Variants in HIVEP2 observed in about 807,000 individuals in gnomAD.
HIVEP2 encodes the protein transcription factor HIVEP2.
In HIVEP2, 14 loss-of-function variants were observed where a neutral mutation model predicts 180.7. The observed-to-expected ratio is 0.08, with a 90% confidence interval of 0.05 to 0.12. The LOEUF is 0.12. HIVEP2 is among the 10% of genes least tolerant of loss of function. HIVEP2 has a pLI of 1.00. For synonymous variants in HIVEP2, 1,184 were observed against 1,136.4 expected, an observed-to-expected ratio of 1.04 and a Z score of -0.84; for missense variants, 2,579 against 3,008.5, an observed-to-expected ratio of 0.86 and a Z score of 3.34.
At chr6:142,876,868 AC>A in intron 1 of HIVEP2, among the ~76,000 whole-genome samples, 1 of 151,912 alleles carries the variant, frequency 6.6e-6, no homozygotes, top group Non-Finnish European at 1.5e-5. Flanking sequence ...ACACACACAC[AC>A]ACACACACAC....
rs759685207 is a variant in HIVEP2 at position 142,773,950 on chromosome 6, A to G, written c.789T>C (p.Gly263=). ...GTATTTCTGCTTCTACATCAATAAA[A>G]CCAGCCTCTAGGTCCAATTTAGATA... is the stretch of plus-strand genomic sequence containing the variant. ...SAVSKLDLEA[G]FIDVEAEIHS... Residue 263 remains glycine, a synonymous_variant, in exon 5 of 10, where the codon GGT becomes GGC. Transcript: ENST00000367603. 6.2e-6 allele frequency: 10 copies of G among 1,613,674 alleles called. No individual in the cohort carries two copies. In the African/African-American group the frequency reaches 1.3e-4, roughly 22 times the overall value.
chr6:142,911,884 C>G (rs960983896), intron 1 of HIVEP2, among the ~76,000 whole-genome samples: 7 of 152,124 alleles, frequency 4.6e-5, no homozygotes, highest in African/African-American at 7.2e-5. Context: ...GACCGCTCAT[C>G]ATTTCATAAT....
intron 1 of HIVEP2, among the ~76,000 whole-genome samples, chr6:142,853,216 A>G (rs1775735028): frequency 6.6e-6 from 1 of 151,876 alleles, no homozygotes; most frequent in Non-Finnish European, 1.5e-5. Flanking sequence ...TTTTTTTTCC[A>G]CATCAGAGAA....
intron 2 of HIVEP2, among the ~76,000 whole-genome samples, chr6:142,805,785 T>A (rs1478699699): frequency 6.6e-6 from 1 of 152,150 alleles, no homozygotes; most frequent in Non-Finnish European, 1.5e-5. Context: ...TTTGGAGGGC[T>A]CTGGTAGAGG....
At chr6:142,944,517 G>A (rs913827424) in intron 1 of HIVEP2, among the ~76,000 whole-genome samples, 2 of 152,122 alleles carry the variant, frequency 1.3e-5, no homozygotes, top group African/African-American at 4.8e-5. Context: ...GAAAGGCGGG[G>A]GGTGGGGGTG....
intron 9 of HIVEP2, among the ~76,000 whole-genome samples, chr6:142,755,642 C>T (rs572800663): frequency 1.4e-4 from 22 of 152,304 alleles, no homozygotes; most frequent in Admixed American, 3.3e-4. Context: ...TGTCCTATTA[C>T]GTAAACTGAC....
At position 142,753,725 on chromosome 6, in the gene HIVEP2, C is replaced by A; in HGVS notation, c.6723G>T (p.Pro2241=). 2 of 1,614,070 alleles carry A rather than the reference C, an allele frequency of 1.2e-6. No individual in the cohort carries two copies. Among genetic ancestry groups the A allele is most frequent in the South Asian group, 2.2e-5 (2 of 91,074 alleles). The change falls in exon 10 of 10, where the codon CCG becomes CCT. Residue 2241 remains proline, a synonymous_variant. Coordinates refer to ENST00000367603, the MANE Select transcript of HIVEP2 (RefSeq NM_006734.4). ...AAGGATGTAAACTGGAAAGGGCTGGCGGCATGGAGTGAACCATCTGGATCC... is the reference window on the plus strand; with the variant it reads ...AAGGATGTAAACTGGAAAGGGCTGGAGGCATGGAGTGAACCATCTGGATCC... ...VGGIQMVHSM[P]PALSSLHPSP... is the part of the protein sequence containing the mutation.
rs1207067367 is a variant in HIVEP2 at position 142,792,643 on chromosome 6, G to A, written c.-527-9028C>T. ...TAAAACCTAGATGGCAGGTTGATAG[G>A]CGCAGCAAACAACCATGGCACATGC... On this transcript the variant is annotated intron_variant, in intron 2 of 9. Transcript: ENST00000367603. Among the ~76,000 whole-genome samples the A allele has an allele frequency of 1.3e-5, 2 of 152,022 alleles. 1 individual carries two copies. Among genetic ancestry groups the A allele is most frequent in the Non-Finnish European group, 2.9e-5 (2 of 68,010 alleles).
intron 1 of HIVEP2, among the ~76,000 whole-genome samples, chr6:142,880,860 T>C (rs1776560637): frequency 6.6e-6 from 1 of 152,140 alleles, no homozygotes; most frequent in South Asian, 2.1e-4. Flanking sequence ...TTATATAAAA[T>C]AAAATGTGTC....
chr6:142,846,794 C>A (rs1031410497), intron 1 of HIVEP2, among the ~76,000 whole-genome samples: 1 of 151,982 alleles, frequency 6.6e-6, no homozygotes, highest in Non-Finnish European at 1.5e-5. Flanking sequence ...AACAACACAT[C>A]AAAAACAAAC....
chr6:142,811,509 C>A (rs1009822282), intron 2 of HIVEP2, among the ~76,000 whole-genome samples: 3 of 151,846 alleles, frequency 2.0e-5, no homozygotes, highest in Admixed American at 1.3e-4. Context: ...TTCCCCTCCC[C>A]CTACACACAA....
intron 1 of HIVEP2, among the ~76,000 whole-genome samples, chr6:142,879,400 T>C (rs1027887118): frequency 6.6e-6 from 1 of 152,146 alleles, no homozygotes; most frequent in African/African-American, 2.4e-5. Context: ...ATGTTGAATG[T>C]TGAGCACAGC....
chr6:142,880,147 C>T (rs755648613), intron 1 of HIVEP2, among the ~76,000 whole-genome samples: 20 of 152,136 alleles, frequency 1.3e-4, no homozygotes, highest in Non-Finnish European at 2.6e-4. Context: ...GTCCCCAAAG[C>T]AGGAATATTT....
intron 1 of HIVEP2, among the ~76,000 whole-genome samples, chr6:142,864,855 T>C (rs540376250): frequency 6.6e-6 from 1 of 152,288 alleles, no homozygotes; most frequent in East Asian, 1.9e-4. Flanking sequence ...AGAATTCATA[T>C]AGCCAACCAA....
At chr6:142,899,587 ATTTAT>A (rs1247017907) in intron 1 of HIVEP2, among the ~76,000 whole-genome samples, 1 of 152,242 alleles carries the variant, frequency 6.6e-6, no homozygotes, top group Non-Finnish European at 1.5e-5. Context: ...GTTGCAAATA[ATTTAT>A]TTTAAAAGCA....
intron 1 of HIVEP2, among the ~76,000 whole-genome samples, chr6:142,867,136 AC>A (rs1228427462): frequency 1.5e-4 from 23 of 152,166 alleles, no homozygotes; most frequent in African/African-American, 5.5e-4. Flanking sequence ...TAATCCAAAT[AC>A]ACTTATTAGG....
chr6:142,785,865 T>C (rs1428958199), intron 2 of HIVEP2, among the ~76,000 whole-genome samples: 1 of 152,196 alleles, frequency 6.6e-6, no homozygotes. Context: ...AGAAAAGCAA[T>C]GGTAATCATG....
chr6:142,769,511 A>G (rs777933943), intron 5 of HIVEP2, 41 bp downstream of exon 5: 27 of 1,551,780 alleles, frequency 1.7e-5, no homozygotes, highest in Admixed American at 5.1e-5. Context: ...TCAGCAATCA[A>G]ATCCACAATA....
At chr6:142,867,465 C>T (rs561519912) in intron 1 of HIVEP2, among the ~76,000 whole-genome samples, 199 of 152,272 alleles carry the variant, frequency 1.3e-3, no homozygotes, top group African/African-American at 4.7e-3. Flanking sequence ...CAGTTGTTAT[C>T]GTTACAGATT....
Sources: allele counts gnomAD v4.1 joint callset (sites outside exome capture counted in the v4.1 genomes callset), GRCh38; gene constraint gnomAD v4.1.1; transcripts MANE v1.5; gene names NCBI Gene and HGNC (gene_info 2026-07-23, HGNC 2026-07-21).